Variants in PLS1 observed in about 807,000 individuals in gnomAD.
PLS1 encodes plastin 1, also known as plastin-1.
In PLS1, 32 loss-of-function variants were observed where a neutral mutation model predicts 73.7. That is an observed-to-expected ratio of 0.43 (90% CI 0.33 to 0.58). PLS1 has a LOEUF of 0.58. Among genes scored for constraint, PLS1 ranks in the 20% least tolerant of loss-of-function variants. The probability of loss-of-function intolerance (pLI) is 0.04; values close to 1 mark genes in which losing one functional copy is unlikely to be tolerated. For missense variants in PLS1, 633 were observed against 740.5 expected (o/e 0.85, Z 1.68); for synonymous variants, 217 against 261.3 (o/e 0.83, Z 1.63).
intron 1 of PLS1, among the ~76,000 whole-genome samples, chr3:142,628,978 C>T (rs2036492803): frequency 6.6e-6 from 1 of 152,178 alleles, no homozygotes; most frequent in South Asian, 2.1e-4. Context: ...AGAGGGGAAG[C>T]TTCCTGGACC....
chr3:142,682,456 T>C (rs930069377), intron 6 of PLS1, among the ~76,000 whole-genome samples: 1 of 152,202 alleles, frequency 6.6e-6, no homozygotes, highest in African/African-American at 2.4e-5. Flanking sequence ...TGTTTGTCAT[T>C]GTCCAGGCTG....
chr3:142,683,365 G>A (rs1030214550), intron 6 of PLS1, among the ~76,000 whole-genome samples: 4 of 152,214 alleles, frequency 2.6e-5, no homozygotes, highest in East Asian at 1.9e-4. Context: ...CTGGCCGGGC[G>A]TGGTGGCGGG....
intron 1 of PLS1, chr3:142,627,990 A>G (rs2108576298): frequency 6.6e-6 from 1 of 152,252 alleles, no homozygotes. Flanking sequence ...TTGAGAAACT[A>G]AAAAGAACCA....
intron 1 of PLS1, among the ~76,000 whole-genome samples, chr3:142,618,007 T>C (rs1314126593): frequency 1.3e-5 from 2 of 152,124 alleles, no homozygotes; most frequent in African/African-American, 2.4e-5. Flanking sequence ...CTGCACCTAA[T>C]TGCTAGGCAT....
chr3:142,690,275 T>A (rs1319285594), intron 10 of PLS1, among the ~76,000 whole-genome samples: 1 of 152,216 alleles, frequency 6.6e-6, no homozygotes, highest in Non-Finnish European at 1.5e-5. Context: ...TATATAATAC[T>A]TTCCTGTTTT....
chr3:142,607,271 A>G (rs190056085), intron 1 of PLS1, among the ~76,000 whole-genome samples: 2 of 147,634 alleles, frequency 1.4e-5, no homozygotes, highest in Non-Finnish European at 3.0e-5. Flanking sequence ...CTGTTACCCT[A>G]TTATTAACAT....
intron 1 of PLS1, among the ~76,000 whole-genome samples, chr3:142,657,925 C>T (rs959513682): frequency 2.0e-5 from 3 of 152,048 alleles, no homozygotes; most frequent in African/African-American, 7.2e-5. Flanking sequence ...GGTAAAATTT[C>T]CCCTGTTCAA....
chr3:142,681,588 CTCTCTTGTG>C (rs2037858201), intron 6 of PLS1, among the ~76,000 whole-genome samples: 1 of 152,190 alleles, frequency 6.6e-6, no homozygotes, highest in African/African-American at 2.4e-5. Context: ...GCAGGGCCAC[CTCTCTTGTG>C]TCTCTTGTGT....
At chr3:142,635,998 T>A (rs558631054) in intron 1 of PLS1, among the ~76,000 whole-genome samples, 1 of 152,180 alleles carries the variant, frequency 6.6e-6, no homozygotes, top group African/African-American at 2.4e-5. Flanking sequence ...CAAGAGAGCC[T>A]TTCACCTCAG....
chr3:142,600,877 CAT>C (rs1185547517), intron 1 of PLS1, among the ~76,000 whole-genome samples: 335 of 23,454 alleles, frequency 0.014, 2 homozygotes, highest in South Asian at 0.03. Flanking sequence ...GGCCTGGTTT[CAT>C]ATATATATAT....
chr3:142,696,720 AAAT>A (rs370809568), intron 11 of PLS1, among the ~76,000 whole-genome samples: 10,097 of 136,768 alleles, frequency 0.074, 403 homozygotes, highest in Middle Eastern at 0.16. Flanking sequence ...TCTATTTGCA[AAAT>A]AATAATAATA....
At chr3:142,672,806 G>A (rs1577871960) in intron 4 of PLS1, among the ~76,000 whole-genome samples, 1 of 152,114 alleles carries the variant, frequency 6.6e-6, no homozygotes, top group African/African-American at 2.4e-5. Context: ...CATTTTTAAA[G>A]TATACAGTTC....
chr3:142,702,860 G>T (rs2038359226), intron 12 of PLS1, among the ~76,000 whole-genome samples: 1 of 152,218 alleles, frequency 6.6e-6, no homozygotes, highest in East Asian at 1.9e-4. Context: ...TGTGCTGAGA[G>T]TGGGGACAGT....
At chr3:142,601,988 C>G (rs1395694913) in intron 1 of PLS1, among the ~76,000 whole-genome samples, 1 of 152,104 alleles carries the variant, frequency 6.6e-6, no homozygotes, top group Non-Finnish European at 1.5e-5. Flanking sequence ...AAATGCAAAG[C>G]TCTTTCTGAG....
At chr3:142,639,389 A>C (rs1029094421) in intron 1 of PLS1, among the ~76,000 whole-genome samples, 60 of 152,278 alleles carry the variant, frequency 3.9e-4, no homozygotes, top group African/African-American at 1.4e-3. Context: ...ATCCCCTTCA[A>C]ATCCACTTGG....
At chr3:142,635,095 T>G (rs1342425461) in intron 1 of PLS1, among the ~76,000 whole-genome samples, 1 of 152,066 alleles carries the variant, frequency 6.6e-6, no homozygotes, top group Non-Finnish European at 1.5e-5. Context: ...AATATTCTTA[T>G]GCTATATTTG....
chr3:142,666,480 C>G, intron 2 of PLS1, among the ~76,000 whole-genome samples: 1 of 152,182 alleles, frequency 6.6e-6, no homozygotes, highest in South Asian at 2.1e-4. Context: ...GTCAGAATTT[C>G]CTCCCTTTTT....
In PLS1 at chr3:142,635,833, G is replaced by A. The variant is rs77159403; in HGVS notation, c.-36-28369G>A. On this transcript the variant is annotated intron_variant, in intron 1 of 15. Transcript: ENST00000457734. ...AAAATAACAGAACTGGAGAACTAGTGCTACCTGATTTCTAGAGCTTTTTGT... is the reference window on the plus strand; with the variant it reads ...AAAATAACAGAACTGGAGAACTAGTACTACCTGATTTCTAGAGCTTTTTGT... 2.0e-5 allele frequency among the ~76,000 whole-genome samples: 3 copies of A among 152,180 alleles called. No individual in the cohort carries two copies. The South Asian group carries it at 6.2e-4, about 32-fold the overall frequency.
chr3:142,601,667 A>G (rs1263060890), intron 1 of PLS1, among the ~76,000 whole-genome samples: 1 of 151,884 alleles, frequency 6.6e-6, no homozygotes, highest in Non-Finnish European at 1.5e-5. Flanking sequence ...GTGTGGACCA[A>G]CGTGCCCGGC....
Sources: allele counts gnomAD v4.1 joint callset (sites outside exome capture counted in the v4.1 genomes callset), GRCh38; gene constraint gnomAD v4.1.1; transcripts MANE v1.5; gene names NCBI Gene and HGNC (gene_info 2026-07-23, HGNC 2026-07-21).